The following AKR1B10 variants were observed in gnomAD, a reference collection of about 807,000 sequenced individuals.
AKR1B10 encodes ARP.
In AKR1B10, 39 loss-of-function variants were observed where a neutral mutation model predicts 38.9. That is an observed-to-expected ratio of 1.00 (90% CI 0.78 to 1.31). The LOEUF is 1.31. Ranked by LOEUF, AKR1B10 falls within the 50% of genes most tolerant of loss-of-function variation. AKR1B10 has a pLI of 0.00. For missense variants in AKR1B10, 361 were observed against 382.6 expected (o/e 0.94, Z 0.47); for synonymous variants, 148 against 141.2 (o/e 1.05, Z -0.34).
Position 134,533,097 on chromosome 7 carries a change from C to T in AKR1B10, c.429+16C>T, listed in dbSNP as rs777142324. The T allele has an allele frequency of 5.0e-5, 78 of 1,575,404 alleles. No individual in the cohort carries two copies. Among genetic ancestry groups the T allele is most frequent in the African/African-American group, 1.4e-5 (1 of 72,804 alleles). ...TGCCTGGGAGGTAGGTTCCCAGCTT[C>T]CTCTAAGTGTGCTGGGAGAGAAATC... On this transcript the variant is annotated intron_variant, in intron 4 of 9. Coordinates refer to ENST00000359579, the MANE Select transcript of AKR1B10 (RefSeq NM_020299.5).
At chr7:134,540,259 A>C (rs969620841) in intron 9 of AKR1B10, among the ~76,000 whole-genome samples, 1 of 152,068 alleles carries the variant, frequency 6.6e-6, no homozygotes, top group African/African-American at 2.4e-5. Context: ...CGCTGCTTGC[A>C]TGTCATGATA....
rs1287326798 is a variant in AKR1B10, at chr7:134,541,159, T to C, written c.*70T>C. ...GCTGAAGTGTGACTACCTCCACTCATGTCCCATTTTAGCCAAGCTTATTTA... is the reference window on the plus strand; with the variant it reads ...GCTGAAGTGTGACTACCTCCACTCACGTCCCATTTTAGCCAAGCTTATTTA... On this transcript the variant is annotated 3_prime_UTR_variant, in exon 10 of 10. Coordinates refer to ENST00000359579, the MANE Select transcript of AKR1B10 (RefSeq NM_020299.5). 4.2e-6 allele frequency: 5 copies of C among 1,200,454 alleles called. No individual in the cohort carries two copies. Among genetic ancestry groups the C allele is most frequent in the African/African-American group, 3.1e-5 (2 of 65,336 alleles). The allele number at this position is 1,200,454 out of a possible 1,614,324, so 74.4% of individuals were successfully genotyped here.
intron 9 of AKR1B10, among the ~76,000 whole-genome samples, chr7:134,540,145 G>A (rs1409652187): frequency 6.6e-6 from 1 of 152,070 alleles, no homozygotes; most frequent in Non-Finnish European, 1.5e-5. Flanking sequence ...GTGAACCCGG[G>A]AGGTAGAGCT....
intron 2 of AKR1B10, 24 bp downstream of exon 2, chr7:134,530,834 G>A (rs1214730669): frequency 1.9e-6 from 3 of 1,594,142 alleles, no homozygotes; most frequent in Non-Finnish European, 1.7e-6. Context: ...TTTGGTGGGA[G>A]GCCTTCACTT....
chr7:134,538,215 CAGA>C lies in AKR1B10; in HGVS notation c.764_766del (p.Gln255del), dbSNP rs755209062. On this transcript the variant is annotated inframe_deletion, in exon 8 of 10. Coordinates refer to ENST00000359579, the MANE Select transcript of AKR1B10 (RefSeq NM_020299.5). The stretch of plus-strand genomic sequence containing the variant: ...ATAGGTTCTGATCCGTTTCCATATC[CAGA>C]GGAATGTGATTGTCATCCCCAAGTC... The C allele has an allele frequency of 3.2e-5, 52 of 1,613,952 alleles. 1 individual carries two copies. The highest frequency in any genetic ancestry group is 8.5e-7 in the Non-Finnish European group (1 of 1,179,982).
At chr7:134,534,736 A>G (rs71541927) in intron 4 of AKR1B10, among the ~76,000 whole-genome samples, 1 of 152,370 alleles carries the variant, frequency 6.6e-6, no homozygotes, top group African/African-American at 2.4e-5. Context: ...GTTCTAATAC[A>G]GGAAAACTAA....
chr7:134,537,511 A>G, intron 6 of AKR1B10, 69 bp from the exon 7 acceptor site: 1 of 1,527,902 alleles, frequency 6.5e-7, no homozygotes, highest in Non-Finnish European at 9.0e-7. Flanking sequence ...TGAGACCCTC[A>G]TTGGAGTGGT....
At chr7:134,533,277 G>T (rs929742654) in intron 4 of AKR1B10, among the ~76,000 whole-genome samples, 196 bp downstream of exon 4, 1 of 152,112 alleles carries the variant, frequency 6.6e-6, no homozygotes, top group Admixed American at 6.5e-5. Flanking sequence ...AAGGCTAATA[G>T]TCTTCAAATA....
chr7:134,539,039 A>G (rs1303671869), intron 9 of AKR1B10, 22 bp downstream of exon 9: 3 of 1,613,750 alleles, frequency 1.9e-6, no homozygotes, highest in Non-Finnish European at 2.5e-6. Context: ...GGAGTTAACT[A>G]GAAGCATTGC....
In AKR1B10 at chr7:134,538,197, C is replaced by T; in HGVS notation, c.745C>T (p.Leu249=). 6.2e-7 allele frequency: 1 copy of T among 1,614,012 alleles called. No individual in the cohort carries two copies. Among genetic ancestry groups the T allele is most frequent in the Non-Finnish European group, 8.5e-7 (1 of 1,179,908 alleles). ...AKHKKTAAQV[L]IRFHIQRNVI... ...CTGATGTCCCCTTTCCGCATAGGTT[C>T]TGATCCGTTTCCATATCCAGAGGAA... The change falls in exon 8 of 10, where the codon CTG becomes TTG. Residue 249 remains leucine (L), a synonymous_variant. Transcript: ENST00000359579.
chr7:134,528,732 A>G (rs542547076), intron 1 of AKR1B10, among the ~76,000 whole-genome samples: 49 of 120,210 alleles, frequency 4.1e-4, no homozygotes, highest in African/African-American at 2.5e-3. Flanking sequence ...AAAGCAAGAA[A>G]GAGAGAAAGA....
rs1554396831 is a variant in AKR1B10 at position 134,535,585 on chromosome 7, C to CCTTTTTTTTT, written c.430-1065_430-1064insCTTTTTTTTT. ...CTCATGTTTTTTCCCTCTTTTCTGT[C>CCTTTTTTTTT]TTTTTTTTTTTTTTTTTTTTTTTCT... On this transcript the variant is annotated intron_variant, in intron 4 of 9. Transcript: ENST00000359579. The CCTTTTTTTTT allele has an allele frequency of 2.7e-5, 11 of 410,554 alleles. 1 individual carries two copies. Among genetic ancestry groups the CCTTTTTTTTT allele is most frequent in the African/African-American group, 1.2e-4 (4 of 33,348 alleles). The allele number at this position is 410,554 out of a possible 1,614,324, so 25.4% of individuals were successfully genotyped here.
chr7:134,531,971 C>G lies in AKR1B10; in HGVS notation c.298C>G (p.Leu100Val). Residue 100 changes from leucine to valine, a missense_variant, in exon 3 of 10, where the codon CTG (leucine) becomes GTG (valine). This residue lies in a region of AKR1B10 where 220 missense variants were observed against 216.1 expected (regional missense o/e 1.02). Coordinates refer to ENST00000359579, the MANE Select transcript of AKR1B10 (RefSeq NM_020299.5). ...RKAFEKTLKD[L>V]KLSYLDVYLI... The stretch of plus-strand genomic sequence containing the variant: ...AGCCTTTGAGAAGACCCTCAAGGAC[C>G]TGAAGCTGAGCTATCTGGACGTCTA... 1.2e-6 allele frequency: 2 copies of G among 1,614,114 alleles called. No individual in the cohort carries two copies. Among genetic ancestry groups the G allele is most frequent in the African/African-American group, 1.3e-5 (1 of 75,048 alleles).
At chr7:134,540,448 G>A (rs1585759490) in intron 9 of AKR1B10, among the ~76,000 whole-genome samples, 1 of 152,228 alleles carries the variant, frequency 6.6e-6, no homozygotes, top group East Asian at 1.9e-4. Context: ...ATCATTTCTG[G>A]CAATGGGTAG....
intron 4 of AKR1B10, chr7:134,535,585 C>CTT (rs58628862): frequency 0.05 from 20,577 of 410,124 alleles, 2,074 homozygotes; most frequent in East Asian, 0.21. Context: ...TCTTTTCTGT[C>CTT]TTTTTTTTTT....
At chr7:134,532,150 A>G (rs1807875277) in intron 3 of AKR1B10, 126 bp downstream of exon 3, 2 of 1,176,972 alleles carry the variant, frequency 1.7e-6, no homozygotes, top group Admixed American at 1.8e-5. Flanking sequence ...TGGGAATGGC[A>G]GGTGGTCAGG....
In AKR1B10 at chr7:134,536,736, C is replaced by T. The variant is rs141276121; in HGVS notation, c.516C>T (p.Asn172=). The change falls in exon 5 of 10, where the codon AAC becomes AAT. Residue 172 remains asparagine (N), a synonymous_variant. Transcript: ENST00000359579. Reference sequence around the variant, plus strand: ...ACTTCCAGATCGAGAAGCTCTTGAACAAACCTGGACTGAAATATAAACCAG... The same window carrying T: ...ACTTCCAGATCGAGAAGCTCTTGAATAAACCTGGACTGAAATATAAACCAG... ...FSHFQIEKLL[N]KPGLKYKPVT... 3.7e-6 allele frequency: 6 copies of T among 1,613,794 alleles called. No individual in the cohort carries two copies. The African/African-American group carries it at 6.7e-5, about 18-fold the overall frequency.
Position 134,537,613 on chromosome 7 carries a change from T to C in AKR1B10, c.693T>C (p.Asp231=), listed in dbSNP as rs1412358445. 8 of 1,613,958 alleles carry C rather than the reference T, an allele frequency of 5.0e-6. No individual in the cohort carries two copies. The highest frequency in any genetic ancestry group is 6.8e-6 in the Non-Finnish European group (8 of 1,179,960). ...CAGAAGACCCTTCCCTGCTGGAGGA[T>C]CCCAAGATTAAGGAGATTGCTGCAA... is the stretch of plus-strand genomic sequence containing the variant. ...AKPEDPSLLE[D]PKIKEIAAKH... Residue 231 remains aspartate, a synonymous_variant, in exon 7 of 10, where the codon GAT becomes GAC. Transcript: ENST00000359579.
intron 4 of AKR1B10, among the ~76,000 whole-genome samples, chr7:134,535,072 G>A (rs1562930757): frequency 6.6e-6 from 1 of 151,876 alleles, no homozygotes; most frequent in African/African-American, 2.4e-5. Flanking sequence ...GTGCAGCCTC[G>A]GACTCCTGGG....
Sources: allele counts gnomAD v4.1 joint callset (sites outside exome capture counted in the v4.1 genomes callset), GRCh38; gene constraint gnomAD v4.1.1; regional missense constraint gnomAD v4.1.1; transcripts MANE v1.5; gene names NCBI Gene and HGNC (gene_info 2026-07-23, HGNC 2026-07-21).